EXOC4: variants seen among roughly 807,000 people sequenced by gnomAD.
The protein encoded by EXOC4 is exocyst complex component 4.
A neutral mutation model predicts 107.2 loss-of-function variants in EXOC4; 71 were observed. That is an observed-to-expected ratio of 0.66 (90% CI 0.55 to 0.81). The LOEUF is 0.81. Among genes scored for constraint, EXOC4 ranks in the 30% least tolerant of loss-of-function variants. The pLI, the probability that EXOC4 is intolerant of heterozygous loss-of-function variation, is 0.00. For synonymous variants in EXOC4, 456 were observed against 441.2 expected, an observed-to-expected ratio of 1.03 and a Z score of -0.42; for missense variants, 1,108 against 1,189.6, an observed-to-expected ratio of 0.93 and a Z score of 1.01.
chr7:133,855,127 AAATAT>A, intron 11 of EXOC4, among the ~76,000 whole-genome samples: 1 of 81,126 alleles, frequency 1.2e-5, no homozygotes, highest in South Asian at 4.0e-4. Flanking sequence ...ATATATATAT[AAATAT>A]ATATATATAT....
At chr7:133,330,897 G>A (rs1198587070) in intron 5 of EXOC4, among the ~76,000 whole-genome samples, 3 of 151,210 alleles carry the variant, frequency 2.0e-5, no homozygotes, top group African/African-American at 7.3e-5. Flanking sequence ...GTTCCTATTC[G>A]GCCATCTTGC....
intron 11 of EXOC4, among the ~76,000 whole-genome samples, chr7:133,823,871 AT>A (rs1354596250): frequency 0.35 from 4,920 of 13,924 alleles, 619 homozygotes; most frequent in South Asian, 0.45. Context: ...ATATATATAT[AT>A]TATATATATA....
intron 2 of EXOC4, among the ~76,000 whole-genome samples, chr7:133,283,164 G>C (rs576215889): frequency 1.3e-5 from 2 of 152,272 alleles, no homozygotes; most frequent in Admixed American, 6.5e-5. Flanking sequence ...GGAGTAAATG[G>C]TGCAGTCGGC....
chr7:133,662,699 A>G (rs2151048275), intron 10 of EXOC4, among the ~76,000 whole-genome samples: 1 of 152,098 alleles, frequency 6.6e-6, no homozygotes, highest in East Asian at 1.9e-4. Context: ...TAAAATAAAC[A>G]AATATGTGTA....
At chr7:133,458,459 A>G (rs188799488) in intron 7 of EXOC4, among the ~76,000 whole-genome samples, 228 of 152,362 alleles carry the variant, frequency 1.5e-3, no homozygotes, top group African/African-American at 5.4e-3. Context: ...CTCCAGGGAC[A>G]CAGGTGCAGC....
chr7:133,793,009 G>A (rs1796737287), intron 10 of EXOC4, among the ~76,000 whole-genome samples: 1 of 152,068 alleles, frequency 6.6e-6, no homozygotes, highest in Non-Finnish European at 1.5e-5. Flanking sequence ...GATGCACGTG[G>A]ACAATCACCT....
chr7:133,301,488 G>A (rs1292164977), intron 3 of EXOC4, among the ~76,000 whole-genome samples: 1 of 152,098 alleles, frequency 6.6e-6, no homozygotes, highest in Non-Finnish European at 1.5e-5. Context: ...CTTCCTTAAG[G>A]GAGATTTACT....
chr7:133,959,352 A>G (rs555882140), intron 14 of EXOC4, among the ~76,000 whole-genome samples: 29 of 152,136 alleles, frequency 1.9e-4, no homozygotes, highest in Non-Finnish European at 3.7e-4. Flanking sequence ...TAGTATATGA[A>G]AGGAACTTTC....
intron 10 of EXOC4, chr7:133,727,364 G>A (rs1795236141): frequency 6.2e-6 from 1 of 160,174 alleles, no homozygotes; most frequent in African/African-American, 2.4e-5. Flanking sequence ...CATGGGCTCA[G>A]TGGGCCACCT....
At chr7:133,369,118 A>G (rs1202395335) in intron 6 of EXOC4, among the ~76,000 whole-genome samples, 1 of 152,180 alleles carries the variant, frequency 6.6e-6, no homozygotes, top group African/African-American at 2.4e-5. Flanking sequence ...ACTCTTTCTC[A>G]ATCTTGTGTT....
intron 10 of EXOC4, among the ~76,000 whole-genome samples, chr7:133,779,174 T>G (rs889246553): frequency 1.3e-5 from 2 of 152,230 alleles, no homozygotes; most frequent in African/African-American, 4.8e-5. Context: ...ATTGGAAAGG[T>G]AATTTTGTTT....
chr7:133,591,545 C>A (rs1029489988), intron 9 of EXOC4, among the ~76,000 whole-genome samples: 2 of 112,644 alleles, frequency 1.8e-5, no homozygotes, highest in African/African-American at 6.8e-5. Flanking sequence ...TTTTAAAGAT[C>A]TGGTGTGTGT....
intron 10 of EXOC4, among the ~76,000 whole-genome samples, chr7:133,754,675 T>A (rs576448810): frequency 1.3e-5 from 2 of 152,362 alleles, no homozygotes; most frequent in African/African-American, 4.8e-5. Flanking sequence ...TACTATGAGC[T>A]ATGCATATGT....
chr7:133,760,679 C>A (rs1446466166), intron 10 of EXOC4, among the ~76,000 whole-genome samples: 1 of 151,640 alleles, frequency 6.6e-6, no homozygotes, highest in Non-Finnish European at 1.5e-5. Context: ...GGACCCAGGT[C>A]TCCTGGTTTT....
rs2150849334 is a variant in EXOC4 at position 133,475,466 on chromosome 7, C to T, written c.1321C>T (p.Leu441Phe). 3 of 1,613,900 alleles carry T rather than the reference C, an allele frequency of 1.9e-6. No individual in the cohort carries two copies. The highest frequency in any genetic ancestry group is 1.7e-4 in the Middle Eastern group (1 of 6,058). ...GAAACCTCAAAGGCCAAAAAATTCT[C>T]TTTTCAAGTAAGTATTATTCTGCTG... ...KKKPQRPKNS[L>F]FKFESSSHAI... Residue 441 changes from leucine to phenylalanine, a missense_variant, in exon 8 of 18, where the codon CTT (leucine) becomes TTT (phenylalanine). Transcript: ENST00000253861.
intron 1 of EXOC4, among the ~76,000 whole-genome samples, chr7:133,264,120 A>G (rs1170476137): frequency 6.6e-6 from 1 of 152,196 alleles, no homozygotes; most frequent in African/African-American, 2.4e-5. Context: ...GTAGATTTTA[A>G]GTTGACTTTG....
At chr7:133,533,835 A>G (rs145639058) in intron 9 of EXOC4, among the ~76,000 whole-genome samples, 1 of 152,232 alleles carries the variant, frequency 6.6e-6, no homozygotes, top group East Asian at 1.9e-4. Context: ...TAACAGGAGT[A>G]CAGTTTGACT....
At position 133,375,108 on chromosome 7, in the gene EXOC4, A is replaced by G. The variant is rs1584864785; in HGVS notation, c.1182+106A>G. The G allele has an allele frequency of 8.3e-6, 7 of 842,684 alleles. No individual in the cohort carries two copies. In the East Asian group the frequency reaches 1.9e-4, roughly 23 times the overall value. 52.2% of individuals were successfully genotyped at this position (842,684 alleles called of 1,614,324 possible). ...CCTAAAACACTATCTTAAGAGTCAT[A>G]AACAGGGTGAGAAAGTAATGCTTGC... is the stretch of plus-strand genomic sequence containing the variant. On this transcript the variant is annotated intron_variant, in intron 7 of 17. Transcript: ENST00000253861.
intron 10 of EXOC4, among the ~76,000 whole-genome samples, chr7:133,762,395 C>T (rs1796050265): frequency 6.6e-6 from 1 of 151,998 alleles, no homozygotes; most frequent in African/African-American, 2.4e-5. Flanking sequence ...TACTAAGAGC[C>T]AAAAATTGAA....
Sources: allele counts gnomAD v4.1 joint callset (sites outside exome capture counted in the v4.1 genomes callset), GRCh38; gene constraint gnomAD v4.1.1; transcripts MANE v1.5; gene names NCBI Gene and HGNC (gene_info 2026-07-23, HGNC 2026-07-21).